OSBPL10: variants seen among roughly 807,000 people sequenced by gnomAD.
OSBPL10 encodes oxysterol-binding protein-related protein 10.
Under a neutral mutation model 81.7 loss-of-function variants are expected in OSBPL10, and 49 were observed. That is an observed-to-expected ratio of 0.60 (90% CI 0.48 to 0.76). The LOEUF is 0.76. Ranked by LOEUF, OSBPL10 falls within the 30% of genes least tolerant of loss-of-function variation. The pLI is 0.00. For missense variants in OSBPL10, 923 were observed against 987.8 expected, an observed-to-expected ratio of 0.93 and a Z score of 0.88; for synonymous variants, 419 against 383.6, an observed-to-expected ratio of 1.09 and a Z score of -1.08.
chr3:31,833,444 T>A (rs1202882500), intron 3 of OSBPL10, among the ~76,000 whole-genome samples: 1 of 152,186 alleles, frequency 6.6e-6, no homozygotes, highest in Non-Finnish European at 1.5e-5. Flanking sequence ...GCATATACAA[T>A]ACTTAGCACA....
At chr3:31,813,486 A>C (rs1468347979) in intron 4 of OSBPL10, among the ~76,000 whole-genome samples, 1 of 152,214 alleles carries the variant, frequency 6.6e-6, no homozygotes, top group Non-Finnish European at 1.5e-5. Flanking sequence ...CATAGGAGAA[A>C]GTGTTCATGT....
chr3:32,057,288 A>C (rs958227989), intron 1 of OSBPL10, among the ~76,000 whole-genome samples: 3 of 152,000 alleles, frequency 2.0e-5, no homozygotes, highest in Admixed American at 6.6e-5. Context: ...ACTTGCCCCC[A>C]ATTTTTTTTT....
At chr3:31,858,303 CTA>C (rs1448471918) in intron 3 of OSBPL10, among the ~76,000 whole-genome samples, 1 of 152,094 alleles carries the variant, frequency 6.6e-6, no homozygotes, top group African/African-American at 2.4e-5. Flanking sequence ...GCCCAGCCCC[CTA>C]TGTTTTTTAA....
chr3:31,777,939 T>C (rs1235479591), intron 4 of OSBPL10, among the ~76,000 whole-genome samples: 1 of 152,184 alleles, frequency 6.6e-6, no homozygotes, highest in African/African-American at 2.4e-5. Context: ...AGGTGGAATC[T>C]GGGAAAGGTT....
chr3:32,028,578 A>T (rs2125550487), intron 2 of OSBPL10, among the ~76,000 whole-genome samples: 1 of 152,306 alleles, frequency 6.6e-6, no homozygotes, highest in East Asian at 1.9e-4. Context: ...ATCAAATTGC[A>T]ATATGAAACT....
chr3:31,692,558 ACAAT>A (rs140833026), intron 7 of OSBPL10, among the ~76,000 whole-genome samples: 2,678 of 152,274 alleles, frequency 0.018, 82 homozygotes, highest in African/African-American at 0.061. Flanking sequence ...ACTTCTGTAA[ACAAT>A]CAGTCACCTG....
intron 1 of OSBPL10, among the ~76,000 whole-genome samples, chr3:31,977,507 C>CT (rs1273327133): frequency 6.6e-6 from 1 of 152,166 alleles, no homozygotes; most frequent in Non-Finnish European, 1.5e-5. Context: ...CAACTAGGTG[C>CT]TAGGTCATCT....
chr3:31,765,291 C>T (rs1050427227), intron 4 of OSBPL10, among the ~76,000 whole-genome samples: 4 of 152,118 alleles, frequency 2.6e-5, no homozygotes, highest in African/African-American at 9.7e-5. Flanking sequence ...CCACCTCAGC[C>T]TCCCAAAGTG....
intron 4 of OSBPL10, among the ~76,000 whole-genome samples, chr3:31,774,713 A>G (rs1698500031): frequency 6.6e-6 from 1 of 151,172 alleles, no homozygotes; most frequent in African/African-American, 2.4e-5. Context: ...GTGTTTCACC[A>G]TGTTGTCCAG....
chr3:32,052,833 A>G (rs1699679137), intron 1 of OSBPL10, among the ~76,000 whole-genome samples: 1 of 152,188 alleles, frequency 6.6e-6, no homozygotes, highest in Non-Finnish European at 1.5e-5. Flanking sequence ...GGAGAGAATT[A>G]GGACAAATAT....
Position 31,814,645 on chromosome 3 carries a change from A to G in OSBPL10, c.729+15395T>C, listed in dbSNP as rs187862598. ...ACAGGCATGGAACACATTCTCCTTCAAGGTTTCTGGAAGGAACCAACTTTG... is the reference window on the plus strand; with the variant it reads ...ACAGGCATGGAACACATTCTCCTTCGAGGTTTCTGGAAGGAACCAACTTTG... On this transcript the variant is annotated intron_variant, in intron 4 of 11. Transcript: ENST00000396556. 8.5e-5 allele frequency among the ~76,000 whole-genome samples: 13 copies of G among 152,296 alleles called. No individual in the cohort carries two copies. In the East Asian group the frequency reaches 2.5e-3, roughly 29 times the overall value.
chr3:31,968,691 C>A (rs1698474899), intron 1 of OSBPL10, among the ~76,000 whole-genome samples: 2 of 152,194 alleles, frequency 1.3e-5, no homozygotes, highest in African/African-American at 4.8e-5. Context: ...TTAAGACCAT[C>A]TTCCTGAATT....
chr3:31,833,692 C>T lies in OSBPL10; in HGVS notation c.538-3461G>A, dbSNP rs1472872411. 6.2e-5 allele frequency among the ~76,000 whole-genome samples: 8 copies of T among 128,204 alleles called. No individual in the cohort carries two copies. In the South Asian group the frequency reaches 7.0e-4, roughly 11 times the overall value. 84.1% of individuals were successfully genotyped at this position (128,204 alleles called of 152,430 possible). A position where few individuals can be genotyped will look rare whatever the true frequency, so the allele number is the denominator to read the frequency against. ...AAATATCAAGATTGTAGGGAAAACA[C>T]GCACACGCACACGCACACACACACA... On this transcript the variant is annotated intron_variant, in intron 3 of 11. Coordinates refer to ENST00000396556, the MANE Select transcript of OSBPL10 (RefSeq NM_017784.5).
chr3:31,890,372 C>T (rs1695858072), intron 1 of OSBPL10, among the ~76,000 whole-genome samples: 1 of 151,878 alleles, frequency 6.6e-6, no homozygotes, highest in Admixed American at 6.6e-5. Context: ...GGTTTTGTCA[C>T]TCTGGAAGTG....
intron 1 of OSBPL10, among the ~76,000 whole-genome samples, chr3:31,891,931 C>A (rs1318197341): frequency 6.6e-6 from 1 of 152,064 alleles, no homozygotes; most frequent in African/African-American, 2.4e-5. Flanking sequence ...TTACTATCTG[C>A]TATGAGCCAG....
intron 2 of OSBPL10, chr3:32,037,566 A>G: frequency 4.3e-6 from 1 of 233,740 alleles, no homozygotes; most frequent in Non-Finnish European, 8.5e-6. Flanking sequence ...TGAAACCAAG[A>G]GCTCTTAACA....
At chr3:31,795,409 T>C (rs1699179172) in intron 4 of OSBPL10, 1 of 157,096 alleles carries the variant, frequency 6.4e-6, no homozygotes, top group South Asian at 2.0e-4. Flanking sequence ...CCTCCCAAAG[T>C]TGCTGGGATT....
chr3:31,738,796 G>T, intron 5 of OSBPL10, among the ~76,000 whole-genome samples: 1 of 152,112 alleles, frequency 6.6e-6, no homozygotes, highest in East Asian at 1.9e-4. Flanking sequence ...CAGCAGCACT[G>T]CAGAGACTCA....
At chr3:31,860,171 G>A (rs1393546939) in intron 3 of OSBPL10, among the ~76,000 whole-genome samples, 1 of 148,798 alleles carries the variant, frequency 6.7e-6, no homozygotes, top group East Asian at 1.9e-4. Context: ...ATTTGAAAAT[G>A]AAAGCGTTTA....
Sources: gnomAD v4.1 joint callset for allele counts (sites outside exome capture counted in the v4.1 genomes callset) on GRCh38, gnomAD v4.1.1 for gene constraint, MANE v1.5 for transcripts, NCBI Gene and HGNC (gene_info 2026-07-23, HGNC 2026-07-21) for gene names.